TTC28: variants seen among roughly 807,000 people sequenced by gnomAD.
The protein encoded by TTC28 is tetratricopeptide repeat domain 28.
In TTC28, 61 loss-of-function variants were observed where a neutral mutation model predicts 198.0. The observed-to-expected ratio is 0.31, with a 90% CI of 0.25 to 0.38. TTC28 has a LOEUF of 0.38. TTC28 is among the 10% of genes least tolerant of loss of function. TTC28 has a pLI of 1.00. For missense variants in TTC28, 2,678 were observed against 3,164.0 expected, an observed-to-expected ratio of 0.85 and a Z score of 3.69; for synonymous variants, 1,171 against 1,297.8, an observed-to-expected ratio of 0.90 and a Z score of 2.10.
chr22:28,138,184 A>C (rs2146980729), intron 6 of TTC28, among the ~76,000 whole-genome samples: 1 of 152,306 alleles, frequency 6.6e-6, no homozygotes, highest in East Asian at 1.9e-4. Context: ...CATTCTGTGG[A>C]ATGAACTACA....
At chr22:28,080,825 C>T (rs1489340669) in intron 12 of TTC28, among the ~76,000 whole-genome samples, 1 of 152,028 alleles carries the variant, frequency 6.6e-6, no homozygotes, top group Admixed American at 6.6e-5. Context: ...TCAAGTTTTA[C>T]GTTTAGGTCT....
At chr22:28,170,867 C>G (rs531403543) in intron 5 of TTC28, among the ~76,000 whole-genome samples, 1 of 152,216 alleles carries the variant, frequency 6.6e-6, no homozygotes, top group Admixed American at 6.5e-5. Flanking sequence ...CCCTCTCAGG[C>G]TCACCCAGCT....
intron 6 of TTC28, among the ~76,000 whole-genome samples, chr22:28,159,658 CAAAAAAAAAA>C (rs135652): frequency 1.4e-5 from 1 of 70,096 alleles, no homozygotes; most frequent in Non-Finnish European, 2.9e-5. Flanking sequence ...GACTCTGTCT[CAAAAAAAAAA>C]AAAAAAAAAT....
intron 5 of TTC28, among the ~76,000 whole-genome samples, chr22:28,188,197 T>C (rs983510112): frequency 6.6e-6 from 1 of 151,808 alleles, no homozygotes; most frequent in African/African-American, 2.4e-5. Flanking sequence ...AGTAAAATAA[T>C]AGTGATAAAA....
In TTC28 at chr22:28,306,577, C is replaced by T; in HGVS notation, c.448G>A (p.Ala150Thr). 1 of 1,551,548 alleles carries T rather than the reference C, an allele frequency of 6.4e-7. No individual in the cohort carries two copies. The highest frequency in any genetic ancestry group is 2.4e-5 in the East Asian group (1 of 40,910). The change falls in exon 3 of 23, where the codon GCA (alanine) becomes ACA (threonine). Residue 150 changes from alanine to threonine, a missense_variant. Coordinates refer to ENST00000397906, the MANE Select transcript of TTC28 (RefSeq NM_001145418.2). ...GRHADALAAF[A>T]SGLAQDPKSL... ...TTGGGGTCTTGAGCCAGTCCAGATG[C>T]AAAGGCTGCCAGGGCATCGGCATGA...
chr22:28,395,917 T>G (rs966911491), intron 2 of TTC28, among the ~76,000 whole-genome samples: 1 of 152,218 alleles, frequency 6.6e-6, no homozygotes, highest in Non-Finnish European at 1.5e-5. Context: ...ATAGAAGCCC[T>G]AAGAATGTGA....
chr22:28,101,605 G>C (rs1942154718), intron 8 of TTC28, among the ~76,000 whole-genome samples: 1 of 151,764 alleles, frequency 6.6e-6, no homozygotes. Context: ...CCCACCTCAA[G>C]TGATCCACCC....
chr22:28,538,725 A>G (rs950343364), intron 2 of TTC28, among the ~76,000 whole-genome samples: 1 of 151,664 alleles, frequency 6.6e-6, no homozygotes, highest in Admixed American at 6.6e-5. Context: ...ACGTCCAGCT[A>G]ATTTTTTTGT....
At chr22:28,077,181 T>C (rs1941197338) in intron 12 of TTC28, among the ~76,000 whole-genome samples, 1 of 152,226 alleles carries the variant, frequency 6.6e-6, no homozygotes, top group Non-Finnish European at 1.5e-5. Context: ...ATCTGGGTTG[T>C]TTCCAGAATT....
chr22:28,191,596 C>G (rs1678246372), intron 5 of TTC28, among the ~76,000 whole-genome samples: 1 of 152,236 alleles, frequency 6.6e-6, no homozygotes, highest in Non-Finnish European at 1.5e-5. Context: ...CACCCTAATA[C>G]TGCGCTTTTC....
At chr22:28,593,612 T>C (rs1009533604) in intron 2 of TTC28, among the ~76,000 whole-genome samples, 2 of 148,400 alleles carry the variant, frequency 1.3e-5, no homozygotes, top group African/African-American at 5.3e-5. Context: ...CAAAATAATC[T>C]AGTAATGGCA....
At chr22:28,086,400 C>T (rs1299687893) in intron 12 of TTC28, among the ~76,000 whole-genome samples, 1 of 152,150 alleles carries the variant, frequency 6.6e-6, no homozygotes. Context: ...GAACAACCTG[C>T]TCCTGAATGA....
chr22:28,436,448 G>T (rs946278417), intron 2 of TTC28, among the ~76,000 whole-genome samples: 2 of 152,116 alleles, frequency 1.3e-5, no homozygotes, highest in African/African-American at 4.8e-5. Context: ...TCTATGCCTG[G>T]CAATAGAAGA....
intron 6 of TTC28, among the ~76,000 whole-genome samples, chr22:28,109,099 T>C (rs1942409796): frequency 6.6e-6 from 1 of 152,156 alleles, no homozygotes; most frequent in African/African-American, 2.4e-5. Flanking sequence ...AGGGAAAGTA[T>C]CCTAAGAAAA....
At chr22:28,561,294 T>A (rs575390672) in intron 2 of TTC28, among the ~76,000 whole-genome samples, 4 of 151,576 alleles carry the variant, frequency 2.6e-5, no homozygotes, top group African/African-American at 9.7e-5. Flanking sequence ...GCCAGGATGG[T>A]CTTGATCTCC....
intron 5 of TTC28, among the ~76,000 whole-genome samples, chr22:28,283,253 T>G (rs2044618665): frequency 6.6e-6 from 1 of 152,084 alleles, no homozygotes; most frequent in South Asian, 2.1e-4. Context: ...AATGTAATGC[T>G]TTTTACCTTT....
intron 6 of TTC28, among the ~76,000 whole-genome samples, chr22:28,152,771 A>G (rs760484615): frequency 1.3e-5 from 2 of 152,218 alleles, no homozygotes; most frequent in Non-Finnish European, 2.9e-5. Flanking sequence ...CATTTTACCT[A>G]TAAAGCTAGG....
intron 5 of TTC28, among the ~76,000 whole-genome samples, chr22:28,258,093 T>C (rs1931083214): frequency 1.3e-5 from 2 of 152,066 alleles, no homozygotes; most frequent in Non-Finnish European, 2.9e-5. Flanking sequence ...ATAAACATAC[T>C]ATAGTTGGGA....
chr22:28,638,985 A>G (rs1385960118), intron 1 of TTC28, among the ~76,000 whole-genome samples: 2 of 152,204 alleles, frequency 1.3e-5, no homozygotes, highest in African/African-American at 4.8e-5. Context: ...TCCTTACAGA[A>G]CAATTTGGGA....
Sources: gnomAD v4.1 joint callset for allele counts (sites outside exome capture counted in the v4.1 genomes callset) on GRCh38, gnomAD v4.1.1 for gene constraint, MANE v1.5 for transcripts, NCBI Gene and HGNC (gene_info 2026-07-23, HGNC 2026-07-21) for gene names.